The following WIPF1 variants were observed in gnomAD, a reference collection of about 807,000 sequenced individuals.
WIPF1 encodes WAS/WASL-interacting protein family member 1.
In WIPF1, 13 loss-of-function variants were observed where a neutral mutation model predicts 35.4. That is an observed-to-expected ratio of 0.37 (90% CI 0.24 to 0.58). The LOEUF (loss-of-function observed/expected upper bound fraction) is 0.58. WIPF1 is among the 20% of genes least tolerant of loss of function. WIPF1 has a pLI of 0.74. For missense variants in WIPF1, 591 were observed against 667.0 expected, an observed-to-expected ratio of 0.89 and a Z score of 1.25; for synonymous variants, 267 against 266.3, an observed-to-expected ratio of 1.00 and a Z score of -0.02.
At chr2:174,613,739 T>G (rs1686424090) in intron 1 of WIPF1, among the ~76,000 whole-genome samples, 1 of 152,136 alleles carries the variant, frequency 6.6e-6, no homozygotes, top group Non-Finnish European at 1.5e-5. Flanking sequence ...GATTGATAAG[T>G]AAGAAGGCAA....
At chr2:174,598,240 A>C (rs1685883579), upstream of WIPF1, 1 of 152,200 alleles carries the variant, frequency 6.6e-6, no homozygotes, top group South Asian at 2.1e-4. Flanking sequence ...GTGGGGAGAA[A>C]GTTACAAATG....
chr2:174,648,713 G>T (rs1407563460), intron 1 of WIPF1, among the ~76,000 whole-genome samples: 1 of 152,178 alleles, frequency 6.6e-6, no homozygotes, highest in African/African-American at 2.4e-5. Context: ...TATACAGGGG[G>T]AAAATAGGTT....
intron 1 of WIPF1, among the ~76,000 whole-genome samples, chr2:174,657,110 C>T (rs1408075273): frequency 6.6e-6 from 1 of 152,182 alleles, no homozygotes; most frequent in Non-Finnish European, 1.5e-5. Context: ...AGACAGACTG[C>T]TACATTTATA....
At chr2:174,616,406 G>A (rs1401853380) in intron 1 of WIPF1, among the ~76,000 whole-genome samples, 3 of 152,098 alleles carry the variant, frequency 2.0e-5, no homozygotes, top group Non-Finnish European at 4.4e-5. Flanking sequence ...CTGCTGGAAT[G>A]GCAAGTCTGG....
At position 174,675,867 on chromosome 2, in the gene WIPF1, G is replaced by A. The variant is rs534735788; in HGVS notation, c.-39+6907C>T. 6.7e-4 allele frequency among the ~76,000 whole-genome samples: 101 copies of A among 150,904 alleles called. 1 individual carries two copies. The highest frequency in any genetic ancestry group is 4.2e-3 in the South Asian group (20 of 4,744). On this transcript the variant is annotated intron_variant, in intron 1 of 8. Transcript: ENST00000272746. ...GAGGGGAGGAGTGGGAGGGTGGGCC[G>A]TAAGAGTTGGGAGGATGGGCATGAA...
At chr2:174,634,884 G>A (rs1396667886) in intron 1 of WIPF1, among the ~76,000 whole-genome samples, 2 of 152,164 alleles carry the variant, frequency 1.3e-5, no homozygotes, top group African/African-American at 4.8e-5. Context: ...CTTGAGACTG[G>A]AGTTCAGCAG....
intron 1 of WIPF1, among the ~76,000 whole-genome samples, chr2:174,610,904 A>G (rs570385975): frequency 3.6e-4 from 55 of 152,228 alleles, no homozygotes; most frequent in African/African-American, 1.3e-3. Flanking sequence ...CCCCACACTC[A>G]ACCTCCCGGC....
rs1489343450 is a variant in WIPF1, at chr2:174,561,568, C to T, written c.*979G>A. ...ACTCAATCAATTTCTGACCTTGGTA[C>T]TTTGAAGCAACACTTGTATACAGAT... On this transcript the variant is annotated 3_prime_UTR_variant, in exon 8 of 8. Transcript: ENST00000679041. 1.3e-5 allele frequency: 2 copies of T among 153,368 alleles called. No homozygotes were observed. Among genetic ancestry groups the T allele is most frequent in the Non-Finnish European group, 2.9e-5 (2 of 68,832 alleles). The allele number at this position is 153,368 out of a possible 1,614,324, so 9.5% of individuals were successfully genotyped here. A position where few individuals can be genotyped will look rare whatever the true frequency, so the allele number is the denominator to read the frequency against.
At chr2:174,630,425 CT>C (rs1559166535) in intron 1 of WIPF1, 1 of 152,174 alleles carries the variant, frequency 6.6e-6, no homozygotes, top group Non-Finnish European at 1.5e-5. Context: ...GAACAGATGC[CT>C]CTTAAATTCA....
intron 1 of WIPF1, among the ~76,000 whole-genome samples, chr2:174,644,589 A>G (rs1687363383): frequency 6.6e-6 from 1 of 152,060 alleles, no homozygotes; most frequent in African/African-American, 2.4e-5. Context: ...CATGCAGGCA[A>G]TCTGGAGATC....
chr2:174,566,728 C>A, intron 7 of WIPF1: 1 of 200,834 alleles, frequency 5.0e-6, no homozygotes, highest in Non-Finnish European at 1.0e-5. Flanking sequence ...GACATTATGC[C>A]AATTTCAAAA....
rs569480284 is a variant in WIPF1 at position 174,648,091 on chromosome 2, C to G, written c.-39+34683G>C. On this transcript the variant is annotated intron_variant, in intron 1 of 8. Coordinates refer to the WIPF1 transcript ENST00000272746. ...GTTATGATTCAGATTTTGAAATGGC[C>G]GCAGACAGGCTGACTTACATGATTC... Among the ~76,000 whole-genome samples the G allele has an allele frequency of 3.3e-5, 5 of 152,200 alleles. No individual in the cohort carries two copies. The South Asian group carries it at 1.0e-3, about 32-fold the overall frequency.
chr2:174,659,393 A>T (rs767422794), intron 1 of WIPF1, among the ~76,000 whole-genome samples: 3 of 152,200 alleles, frequency 2.0e-5, no homozygotes, highest in Non-Finnish European at 4.4e-5. Context: ...TGCATGGGAC[A>T]ATTTCATCAA....
chr2:174,669,841 A>G, intron 1 of WIPF1, among the ~76,000 whole-genome samples: 1 of 152,230 alleles, frequency 6.6e-6, no homozygotes, highest in Non-Finnish European at 1.5e-5. Context: ...GTGCCACTGC[A>G]CTCCAGCCTG....
chr2:174,630,131 G>A (rs1157915976), intron 1 of WIPF1, among the ~76,000 whole-genome samples: 5 of 152,002 alleles, frequency 3.3e-5, no homozygotes, highest in East Asian at 3.9e-4. Context: ...TTGTGTGTGC[G>A]AACACATATC....
At chr2:174,647,637 T>A (rs1574858971) in intron 1 of WIPF1, among the ~76,000 whole-genome samples, 2 of 108,474 alleles carry the variant, frequency 1.8e-5, no homozygotes, top group South Asian at 7.5e-4. Flanking sequence ...CCTCCCAAAG[T>A]GGACCCTGTC....
chr2:174,633,142 A>C (rs959123666), intron 1 of WIPF1, among the ~76,000 whole-genome samples: 11 of 152,200 alleles, frequency 7.2e-5, no homozygotes, highest in Admixed American at 6.5e-4. Context: ...CCAGCTTAGA[A>C]TCTTCTCTTA....
At chr2:174,640,450 G>C (rs1290818547) in intron 1 of WIPF1, among the ~76,000 whole-genome samples, 1 of 149,800 alleles carries the variant, frequency 6.7e-6, no homozygotes, top group Non-Finnish European at 1.5e-5. Flanking sequence ...GTATACATAT[G>C]TAACTAACCT....
chr2:174,627,347 G>A (rs1686871531), intron 1 of WIPF1, among the ~76,000 whole-genome samples: 1 of 151,980 alleles, frequency 6.6e-6, no homozygotes, highest in Non-Finnish European at 1.5e-5. Context: ...GAAAAACAAA[G>A]AGAAAAAACT....
Sources: allele counts gnomAD v4.1 joint callset (sites outside exome capture counted in the v4.1 genomes callset), GRCh38; gene constraint gnomAD v4.1.1; transcripts MANE v1.5; gene names NCBI Gene and HGNC (gene_info 2026-07-23, HGNC 2026-07-21).